CNTN6: variants seen among roughly 807,000 people sequenced by gnomAD.
The protein encoded by CNTN6 is contactin 6, also known as contactin-6.
Under a neutral mutation model 122.8 loss-of-function variants are expected in CNTN6, and 137 were observed. The ratio of observed to expected loss-of-function variants is 1.12; its 90% confidence interval spans 0.97 to 1.29. CNTN6 has a LOEUF of 1.29. CNTN6 is among the 50% of genes most tolerant of loss of function. The pLI, the probability that CNTN6 is intolerant of heterozygous loss-of-function variation, is 0.00. For synonymous variants in CNTN6, 570 were observed against 426.0 expected (o/e 1.34, Z -4.16); for missense variants, 1,634 against 1,223.4 (o/e 1.34, Z -5.01).
intron 2 of CNTN6, among the ~76,000 whole-genome samples, chr3:1,169,476 C>T (rs2125286856): frequency 6.6e-6 from 1 of 152,282 alleles, no homozygotes; most frequent in South Asian, 2.1e-4. Flanking sequence ...TTCAGGGATA[C>T]TGCAGATAAT....
At chr3:1,217,083 C>T (rs1389000691) in intron 2 of CNTN6, among the ~76,000 whole-genome samples, 1 of 152,116 alleles carries the variant, frequency 6.6e-6, no homozygotes, top group East Asian at 1.9e-4. Flanking sequence ...TCAAAACAAC[C>T]ATCTGATATA....
chr3:1,350,122 T>C (rs1370573608), intron 11 of CNTN6, among the ~76,000 whole-genome samples: 4 of 151,810 alleles, frequency 2.6e-5, no homozygotes, highest in Non-Finnish European at 5.9e-5. Context: ...CAGATTAAAG[T>C]TTAATAGTAA....
At chr3:1,217,092 T>C (rs1186058156) in intron 2 of CNTN6, among the ~76,000 whole-genome samples, 1 of 152,224 alleles carries the variant, frequency 6.6e-6, no homozygotes, top group Non-Finnish European at 1.5e-5. Context: ...CCATCTGATA[T>C]ACACATTGCA....
chr3:1,327,414 A>G (rs748752233), intron 9 of CNTN6, 43 bp from the exon 10 acceptor site: 14 of 1,578,990 alleles, frequency 8.9e-6, no homozygotes, highest in Non-Finnish European at 1.1e-5. Flanking sequence ...AGAGAATGCT[A>G]TATTAACGTA....
rs188311516 is a variant in CNTN6, at chr3:1,095,639, C to T, written c.-83+2519C>T. ...TGGAGATATTATGTCCAGAATAATACCCTTACAGTTAAGACCAAAAATTTT... is the reference window on the plus strand; with the variant it reads ...TGGAGATATTATGTCCAGAATAATATCCTTACAGTTAAGACCAAAAATTTT... On this transcript the variant is annotated intron_variant, in intron 1 of 22. Coordinates refer to ENST00000446702, the MANE Select transcript of CNTN6 (RefSeq NM_001289080.2). Among the ~76,000 whole-genome samples the T allele has an allele frequency of 2.0e-5, 3 of 152,090 alleles. No homozygotes were observed. In the South Asian group the frequency reaches 6.2e-4, roughly 31 times the overall value.
At chr3:1,384,318 C>A (rs188544421) in intron 19 of CNTN6, among the ~76,000 whole-genome samples, 1 of 149,064 alleles carries the variant, frequency 6.7e-6, no homozygotes, top group South Asian at 2.1e-4. Context: ...GAGGTGAAGT[C>A]TGCTCCTCAA....
chr3:1,331,366 A>C (rs757513288), intron 11 of CNTN6, among the ~76,000 whole-genome samples: 3 of 151,978 alleles, frequency 2.0e-5, no homozygotes, highest in Non-Finnish European at 2.9e-5. Flanking sequence ...AAGGGTGAAC[A>C]TGTAAAGCGT....
chr3:1,333,723 T>C lies in CNTN6; in HGVS notation c.1364+3788T>C, dbSNP rs568329503. On this transcript the variant is annotated intron_variant, in intron 11 of 22. Coordinates refer to ENST00000446702, the MANE Select transcript of CNTN6 (RefSeq NM_001289080.2). ...AGAAACCTATTCAAAGTAATCAGAC[T>C]GAAGTGCTGACTTATAAAAAAATGG... Among the ~76,000 whole-genome samples the C allele has an allele frequency of 1.2e-3, 186 of 152,222 alleles. 4 individuals carry two copies. The highest frequency in any genetic ancestry group is 3.4e-3 in the Middle Eastern group (1 of 292).
intron 20 of CNTN6, among the ~76,000 whole-genome samples, chr3:1,392,088 G>A (rs551717371): frequency 1.8e-4 from 24 of 134,692 alleles, no homozygotes; most frequent in Non-Finnish European, 2.7e-4. Context: ...AAAAGAGCCC[G>A]CATCGCCAAG....
At chr3:1,336,019 C>A (rs780884773) in intron 11 of CNTN6, among the ~76,000 whole-genome samples, 1 of 151,524 alleles carries the variant, frequency 6.6e-6, no homozygotes, top group Non-Finnish European at 1.5e-5. Flanking sequence ...CACTGCACTC[C>A]AGCCTGGGTA....
intron 4 of CNTN6, among the ~76,000 whole-genome samples, chr3:1,247,942 AC>A (rs2094605260): frequency 6.6e-6 from 1 of 152,188 alleles, no homozygotes; most frequent in Non-Finnish European, 1.5e-5. Flanking sequence ...TGTAGCTGTT[AC>A]AAGAGCATCA....
At chr3:1,403,257 A>G (rs763588703) in intron 22 of CNTN6, 61 bp from the exon 23 acceptor site, 395 of 1,113,476 alleles carry the variant, frequency 3.5e-4, no homozygotes, top group Non-Finnish European at 9.2e-5. Context: ...GTTTTGAAAA[A>G]TTAATCTAAC....
intron 4 of CNTN6, among the ~76,000 whole-genome samples, chr3:1,251,311 T>C (rs1258065677): frequency 6.6e-6 from 1 of 152,178 alleles, no homozygotes; most frequent in Non-Finnish European, 1.5e-5. Context: ...TTTGACTGTC[T>C]GACTCACTCT....
intron 2 of CNTN6, among the ~76,000 whole-genome samples, chr3:1,159,245 C>T (rs1399633059): frequency 1.3e-5 from 2 of 151,720 alleles, no homozygotes; most frequent in Admixed American, 6.6e-5. Flanking sequence ...ATGAACAGTC[C>T]CAAGCCCTAT....
chr3:1,269,247 G>A (rs2094981610), intron 4 of CNTN6, among the ~76,000 whole-genome samples: 3 of 152,114 alleles, frequency 2.0e-5, no homozygotes, highest in Admixed American at 6.5e-5. Context: ...TGCATGCACG[G>A]CCAAGCTAGC....
intron 4 of CNTN6, among the ~76,000 whole-genome samples, chr3:1,231,929 A>G (rs548346406): frequency 2.0e-5 from 3 of 152,214 alleles, no homozygotes; most frequent in East Asian, 1.9e-4. Flanking sequence ...GCTGCTTTCA[A>G]TTTCTTTTAT....
intron 1 of CNTN6, among the ~76,000 whole-genome samples, chr3:1,102,521 G>A (rs1466057584): frequency 2.0e-5 from 3 of 151,784 alleles, no homozygotes; most frequent in East Asian, 3.9e-4. Flanking sequence ...ACCAGGTCAG[G>A]AGATCGAGAC....
intron 4 of CNTN6, among the ~76,000 whole-genome samples, chr3:1,276,211 T>G (rs1437537134): frequency 6.6e-6 from 1 of 152,226 alleles, no homozygotes; most frequent in Non-Finnish European, 1.5e-5. Context: ...AAATTCATTC[T>G]GTAACTTTAT....
At chr3:1,259,216 G>A (rs2094806285) in intron 4 of CNTN6, among the ~76,000 whole-genome samples, 2 of 151,898 alleles carry the variant, frequency 1.3e-5, no homozygotes, top group Admixed American at 6.6e-5. Context: ...CTAAAGTGTG[G>A]GTACTATTTA....
Sources: gnomAD v4.1 joint callset for allele counts (sites outside exome capture counted in the v4.1 genomes callset) on GRCh38, gnomAD v4.1.1 for gene constraint, MANE v1.5 for transcripts, NCBI Gene and HGNC (gene_info 2026-07-23, HGNC 2026-07-21) for gene names.